The following MGST1 variants were observed in gnomAD, a reference collection of about 807,000 sequenced individuals.
MGST1 encodes microsomal glutathione S-transferase 1.
Under a neutral mutation model 8.9 loss-of-function variants are expected in MGST1, and 5 were observed. The observed-to-expected ratio is 0.56, with a 90% CI of 0.29 to 1.19. MGST1 has a LOEUF of 1.19. MGST1 is among the 50% of genes most tolerant of loss of function. The probability of loss-of-function intolerance (pLI) is 0.08; values close to 1 mark genes in which losing one functional copy is unlikely to be tolerated. For synonymous variants in MGST1, 54 were observed against 67.8 expected, an observed-to-expected ratio of 0.80 and a Z score of 1.00; for missense variants, 182 against 187.4, an observed-to-expected ratio of 0.97 and a Z score of 0.17.
chr12:16,469,047 C>T (rs1163636961), intron 4 of MGST1, among the ~76,000 whole-genome samples: 2 of 152,164 alleles, frequency 1.3e-5, no homozygotes, highest in Non-Finnish European at 2.9e-5. Context: ...GAACCTCCCA[C>T]CTATTCCTGC....
intron 3 of MGST1, among the ~76,000 whole-genome samples, chr12:16,358,922 C>T (rs1342944378): frequency 6.6e-6 from 1 of 151,386 alleles, no homozygotes; most frequent in Non-Finnish European, 1.5e-5. Context: ...AAGTCTGAAG[C>T]CCCTCCCAAG....
At position 16,573,012 on chromosome 12, in the gene MGST1, T is replaced by G. The variant is rs372762810; in HGVS notation, n.483-16516T>G. On this transcript the variant is annotated intron_variant and non_coding_transcript_variant, in intron 4 of 4. Transcript: ENST00000538857. ...AGATTTTTTTAAAGGAGTGCAATTC[T>G]TAAAATTTTCCTGTTTTTATTATGT... 2.0e-5 allele frequency among the ~76,000 whole-genome samples: 3 copies of G among 152,052 alleles called. No individual in the cohort carries two copies. The East Asian group carries it at 5.8e-4, about 29-fold the overall frequency.
chr12:16,427,345 C>T (rs1399820716), intron 1 of MGST1, among the ~76,000 whole-genome samples: 1 of 152,082 alleles, frequency 6.6e-6, no homozygotes, highest in African/African-American at 2.4e-5. Context: ...ATGTTTAAAT[C>T]AATATTATAG....
At chr12:16,400,952 CT>C in intron 1 of MGST1, 1 of 1,354,728 alleles carries the variant, frequency 7.4e-7, no homozygotes, top group Non-Finnish European at 1.1e-6. Context: ...AGTCAGTCAC[CT>C]CTTTGCTTCT....
rs1227351269 is a variant in MGST1 at position 16,361,032 on chromosome 12, G to T, written c.222-2763G>T. ...CACATGCATATAGGAATGGGAGAAT[G>T]ATATGAAGCCATGTTCCATTAGTTC... On this transcript the variant is annotated intron_variant, in intron 3 of 3. Coordinates refer to ENST00000396210, the MANE Select transcript of MGST1 (RefSeq NM_020300.5). The surrounding 1 kb of genome is among the most constrained non-coding windows in gnomAD (Gnocchi z 4.2). 7.1e-6 allele frequency among the ~76,000 whole-genome samples: 1 copy of T among 140,042 alleles called. No individual in the cohort carries two copies. Among genetic ancestry groups the T allele is most frequent in the Non-Finnish European group, 1.5e-5 (1 of 65,610 alleles). 91.9% of individuals were successfully genotyped at this position (140,042 alleles called of 152,430 possible).
chr12:16,486,099 C>A (rs1234173576), intron 4 of MGST1, among the ~76,000 whole-genome samples: 1 of 152,140 alleles, frequency 6.6e-6, no homozygotes, highest in Non-Finnish European at 1.5e-5. Context: ...AGGCCTTTGC[C>A]CAAATGGGAC....
intron 3 of MGST1, among the ~76,000 whole-genome samples, chr12:16,373,573 A>G (rs556418702): frequency 1.3e-5 from 2 of 152,158 alleles, no homozygotes; most frequent in African/African-American, 4.8e-5. Flanking sequence ...ATTTTTAAGA[A>G]GAAAAATAAA....
chr12:16,487,119 A>G (rs939383224), intron 4 of MGST1, among the ~76,000 whole-genome samples: 1 of 152,162 alleles, frequency 6.6e-6, no homozygotes, highest in African/African-American at 2.4e-5. Context: ...CAATGGTGGA[A>G]CTTCAGGCCA....
At chr12:16,526,150 T>G (rs893076110) in intron 4 of MGST1, among the ~76,000 whole-genome samples, 41 of 150,092 alleles carry the variant, frequency 2.7e-4, no homozygotes, top group Non-Finnish European at 5.6e-4. Flanking sequence ...TTAGTTTAAT[T>G]AGATCCCATT....
chr12:16,567,082 G>A (rs1942644054), intron 4 of MGST1, among the ~76,000 whole-genome samples: 1 of 152,164 alleles, frequency 6.6e-6, no homozygotes, highest in Admixed American at 6.5e-5. Flanking sequence ...TGTATTTCCA[G>A]CTACTCAGGA....
chr12:16,351,711 G>A (rs946230769), intron 1 of MGST1, among the ~76,000 whole-genome samples: 1 of 152,158 alleles, frequency 6.6e-6, no homozygotes, highest in African/African-American at 2.4e-5. Context: ...TCGGGAGGCT[G>A]AGGCAGGAGA....
intron 4 of MGST1, among the ~76,000 whole-genome samples, chr12:16,476,199 T>G (rs935615010): frequency 2.0e-5 from 3 of 152,138 alleles, no homozygotes; most frequent in African/African-American, 7.2e-5. Context: ...CAGATAAGAC[T>G]CCTCACATCT....
chr12:16,443,710 A>G (rs1941056552), downstream of MGST1, among the ~76,000 whole-genome samples: 1 of 151,888 alleles, frequency 6.6e-6, no homozygotes, highest in South Asian at 2.1e-4. Context: ...AAATGTTACT[A>G]TTGTGGCTCT....
At chr12:16,379,763 G>A (rs369987056), downstream of MGST1, among the ~76,000 whole-genome samples, 22 of 152,264 alleles carry the variant, frequency 1.4e-4, 1 homozygote, top group South Asian at 1.9e-3. Context: ...TTCGGCTGTG[G>A]ATCCATCTGG....
chr12:16,526,554 G>A (rs1044373330), intron 4 of MGST1, among the ~76,000 whole-genome samples: 2 of 151,740 alleles, frequency 1.3e-5, no homozygotes, highest in Non-Finnish European at 2.9e-5. Flanking sequence ...TCCTATAAAC[G>A]TGTTAAGGTT....
chr12:16,521,749 A>T (rs988515244), intron 4 of MGST1, among the ~76,000 whole-genome samples: 6 of 152,186 alleles, frequency 3.9e-5, no homozygotes, highest in African/African-American at 1.2e-4. Context: ...GAGAAGAGAC[A>T]AGAAGAATTT....
At chr12:16,524,488 T>G (rs1470157592) in intron 4 of MGST1, among the ~76,000 whole-genome samples, 1 of 152,018 alleles carries the variant, frequency 6.6e-6, no homozygotes, top group Non-Finnish European at 1.5e-5. Context: ...AGCAACCATA[T>G]CCACCAATTA....
At position 16,414,606 on chromosome 12, in the gene MGST1, G is replaced by A. The variant is rs1055746849; in HGVS notation, n.779-22782G>A. 2.2e-4 allele frequency among the ~76,000 whole-genome samples: 33 copies of A among 151,588 alleles called. No homozygotes were observed. In the East Asian group the frequency reaches 5.9e-3, roughly 27 times the overall value. ...AATATTTTGTATTTTTAGTAGAGAC[G>A]GGGTTTCATCATGTTAGCCAGGATA... On this transcript the variant is annotated intron_variant and non_coding_transcript_variant, in intron 1 of 1. Transcript: ENST00000359720.
intron 4 of MGST1, among the ~76,000 whole-genome samples, chr12:16,512,195 A>G (rs1405995995): frequency 1.3e-5 from 2 of 152,128 alleles, no homozygotes; most frequent in Non-Finnish European, 2.9e-5. Flanking sequence ...ATGCACGGAC[A>G]TATACACTGA....
Sources: gnomAD v4.1 joint callset for allele counts (sites outside exome capture counted in the v4.1 genomes callset) on GRCh38, gnomAD v4.1.1 for gene constraint, Gnocchi (gnomAD v3.1) non-coding constraint, MANE v1.5 for transcripts, NCBI Gene and HGNC (gene_info 2026-07-23, HGNC 2026-07-21) for gene names.